NCAM2: variants seen among roughly 807,000 people sequenced by gnomAD.
The protein encoded by NCAM2 is neural cell adhesion molecule 2, also known as N-CAM-2.
NCAM2 carries 30 observed loss-of-function variants against 98.1 expected under a neutral mutation model. The ratio of observed to expected loss-of-function variants is 0.31; its 90% confidence interval spans 0.23 to 0.41. The LOEUF (loss-of-function observed/expected upper bound fraction) is 0.41. NCAM2 is among the 10% of genes least tolerant of loss of function. NCAM2 has a pLI of 1.00. For synonymous variants in NCAM2, 368 were observed against 342.4 expected (o/e 1.07, Z -0.83); for missense variants, 867 against 1,005.8 (o/e 0.86, Z 1.87).
At chr21:21,120,819 G>T (rs574441439) in intron 1 of NCAM2, among the ~76,000 whole-genome samples, 18 of 150,794 alleles carry the variant, frequency 1.2e-4, no homozygotes, top group Admixed American at 1.1e-3. Context: ...CCCGGGTTCA[G>T]TCGATTCTCC....
In NCAM2 at chr21:21,198,184, A is replaced by ATGTG. The variant is rs10600265; in HGVS notation, c.56-82352_56-82349dup. On this transcript the variant is annotated intron_variant, in intron 1 of 17. Transcript: ENST00000400546. ...TTATTTTTTTAAATATGTAAAGTAT[A>ATGTG]TGTGTGTGTGTGTGTGTGTGTGTGT... 6.6e-3 allele frequency among the ~76,000 whole-genome samples: 968 copies of ATGTG among 146,310 alleles called. 13 individuals carry two copies. Among genetic ancestry groups the ATGTG allele is most frequent in the African/African-American group, 0.021 (844 of 39,456 alleles).
intron 1 of NCAM2, among the ~76,000 whole-genome samples, chr21:21,076,332 A>G (rs538649321): frequency 1.3e-5 from 2 of 152,250 alleles, no homozygotes; most frequent in East Asian, 3.9e-4. Context: ...CATGTTCTTC[A>G]GTTTCTGTTG....
At chr21:21,223,974 G>T (rs747406393) in intron 1 of NCAM2, among the ~76,000 whole-genome samples, 1 of 152,120 alleles carries the variant, frequency 6.6e-6, no homozygotes, top group Admixed American at 6.6e-5. Context: ...AAGCAATCAC[G>T]GAACACAGTG....
intron 1 of NCAM2, among the ~76,000 whole-genome samples, chr21:21,035,833 T>C (rs564779181): frequency 6.6e-6 from 1 of 152,282 alleles, no homozygotes; most frequent in East Asian, 1.9e-4. Context: ...TAAAGCAGTT[T>C]ACCTTGGACA....
chr21:21,454,104 A>G (rs1981757964), intron 12 of NCAM2, among the ~76,000 whole-genome samples: 1 of 152,106 alleles, frequency 6.6e-6, no homozygotes, highest in Admixed American at 6.6e-5. Flanking sequence ...TTCTAAATAT[A>G]TATATAGACA....
Position 21,068,395 on chromosome 21 carries a change from AAGTGCTGGGATTAC to A in NCAM2, c.55+69780_55+69793del, listed in dbSNP as rs1368323476. Among the ~76,000 whole-genome samples the A allele has an allele frequency of 9.9e-3, 1,486 of 150,772 alleles. 36 individuals are homozygous for A. Among genetic ancestry groups the A allele is most frequent in the African/African-American group, 0.035 (1,429 of 40,966 alleles). ...GTGATCCGCCTGCCTTGGCCTCCCT[AAGTGCTGGGATTAC>A]AGGCCTGAGCCACCACACAACAGTG... On this transcript the variant is annotated intron_variant, in intron 1 of 17. Transcript: ENST00000400546.
chr21:21,308,049 A>G (rs1181489491), intron 5 of NCAM2, among the ~76,000 whole-genome samples: 1 of 133,228 alleles, frequency 7.5e-6, no homozygotes, highest in East Asian at 2.4e-4. Context: ...TCCCCCAACA[A>G]CTGTGCTATG....
At chr21:21,307,722 T>G (rs1004797833) in intron 5 of NCAM2, among the ~76,000 whole-genome samples, 1 of 152,122 alleles carries the variant, frequency 6.6e-6, no homozygotes, top group Non-Finnish European at 1.5e-5. Context: ...GAACCTTGAA[T>G]GGGAATCTCT....
chr21:21,256,575 A>C (rs62209211), intron 1 of NCAM2, among the ~76,000 whole-genome samples: 3,806 of 152,236 alleles, frequency 0.025, 69 homozygotes, highest in Admixed American at 0.044. Flanking sequence ...ATTCTGTGAA[A>C]GTCCCCCTAA....
chr21:21,175,272 C>T (rs1478294062), intron 1 of NCAM2, among the ~76,000 whole-genome samples: 2 of 152,048 alleles, frequency 1.3e-5, no homozygotes, highest in Admixed American at 6.6e-5. Context: ...CCGTGGCTCA[C>T]GCCTGTAATT....
At chr21:21,501,400 G>A (rs1440773558) in intron 15 of NCAM2, among the ~76,000 whole-genome samples, 1 of 151,724 alleles carries the variant, frequency 6.6e-6, no homozygotes, top group Non-Finnish European at 1.5e-5. Context: ...ATATCCATTA[G>A]CTCCTTTGTC....
chr21:21,191,646 C>T (rs1447757371), intron 1 of NCAM2, among the ~76,000 whole-genome samples: 1 of 152,084 alleles, frequency 6.6e-6, no homozygotes, highest in African/African-American at 2.4e-5. Flanking sequence ...TTAGATAGAG[C>T]TCTATGAAAC....
At chr21:21,204,751 G>A (rs1724451177) in intron 1 of NCAM2, among the ~76,000 whole-genome samples, 1 of 151,988 alleles carries the variant, frequency 6.6e-6, no homozygotes, top group Admixed American at 6.6e-5. Context: ...AGAAAAATTG[G>A]GCTATTGCCA....
intron 1 of NCAM2, among the ~76,000 whole-genome samples, chr21:21,056,532 GA>G (rs1270002662): frequency 7.1e-6 from 1 of 140,392 alleles, no homozygotes; most frequent in Non-Finnish European, 1.6e-5. Flanking sequence ...GTGCATGAGA[GA>G]GGGGGAGAGA....
intron 15 of NCAM2, among the ~76,000 whole-genome samples, chr21:21,481,604 C>T (rs1985892229): frequency 6.6e-6 from 1 of 151,966 alleles, no homozygotes; most frequent in African/African-American, 2.4e-5. Flanking sequence ...AGGGAAAAAG[C>T]CAGTGTTAGA....
chr21:21,445,716 G>A (rs953487572), intron 12 of NCAM2, among the ~76,000 whole-genome samples: 2 of 151,504 alleles, frequency 1.3e-5, no homozygotes, highest in Non-Finnish European at 2.9e-5. Context: ...GCCTATGTGT[G>A]CCTTTGCACG....
intron 8 of NCAM2, among the ~76,000 whole-genome samples, chr21:21,339,410 C>T (rs1377055531): frequency 6.6e-6 from 1 of 151,872 alleles, no homozygotes; most frequent in Non-Finnish European, 1.5e-5. Context: ...ATTTTAATTA[C>T]TATTATATTT....
intron 9 of NCAM2, among the ~76,000 whole-genome samples, chr21:21,392,155 T>C (rs1195822694): frequency 6.6e-6 from 1 of 152,206 alleles, no homozygotes; most frequent in African/African-American, 2.4e-5. Flanking sequence ...TATGTGTCCA[T>C]GTATTCTCAT....
chr21:21,056,725 G>T (rs1005256388), intron 1 of NCAM2, among the ~76,000 whole-genome samples: 3 of 151,992 alleles, frequency 2.0e-5, no homozygotes, highest in African/African-American at 7.2e-5. Context: ...CCATGAAATT[G>T]TTGCTACTCA....
Sources: gnomAD v4.1 joint callset for allele counts (sites outside exome capture counted in the v4.1 genomes callset) on GRCh38, gnomAD v4.1.1 for gene constraint, MANE v1.5 for transcripts, NCBI Gene and HGNC (gene_info 2026-07-23, HGNC 2026-07-21) for gene names.